Variants in NPAS3 observed in about 807,000 individuals in gnomAD.
The protein encoded by NPAS3 is neuronal PAS domain-containing protein 3.
A neutral mutation model predicts 73.1 loss-of-function variants in NPAS3; 14 were observed. The ratio of observed to expected loss-of-function variants is 0.19; its 90% CI spans 0.13 to 0.30. The LOEUF (loss-of-function observed/expected upper bound fraction) is 0.30, where lower values mean the gene tolerates loss of function less well. Ranked by LOEUF, NPAS3 falls within the 10% of genes least tolerant of loss-of-function variation. The probability of loss-of-function intolerance (pLI) is 1.00; values close to 1 mark genes in which losing one functional copy is unlikely to be tolerated. For missense variants in NPAS3, 1,096 were observed against 1,250.0 expected (o/e 0.88, Z 1.86); for synonymous variants, 620 against 541.5 (o/e 1.14, Z -2.01).
At chr14:33,200,789 G>A (rs1479537896) in intron 2 of NPAS3, among the ~76,000 whole-genome samples, 1 of 152,126 alleles carries the variant, frequency 6.6e-6, no homozygotes, top group African/African-American at 2.4e-5. Context: ...TCCCCTATGT[G>A]CTGGGCAGGT....
chr14:33,570,434 A>G (rs77785402), intron 5 of NPAS3, among the ~76,000 whole-genome samples: 23,472 of 152,160 alleles, frequency 0.15, 2,102 homozygotes, highest in East Asian at 0.33. Context: ...AAAAGTCTAC[A>G]CATCCCTGAG....
At chr14:33,470,122 T>C (rs2050717178) in intron 4 of NPAS3, among the ~76,000 whole-genome samples, 1 of 152,134 alleles carries the variant, frequency 6.6e-6, no homozygotes, top group Non-Finnish European at 1.5e-5. Flanking sequence ...GGTGGCTAAC[T>C]TCCAAGAGTC....
At chr14:33,190,877 G>A (rs1486396870) in intron 2 of NPAS3, among the ~76,000 whole-genome samples, 1 of 152,160 alleles carries the variant, frequency 6.6e-6, no homozygotes, top group Non-Finnish European at 1.5e-5. Context: ...TTACAGCTTG[G>A]ATAATTACTT....
At chr14:33,160,669 T>A (rs567855092) in intron 2 of NPAS3, among the ~76,000 whole-genome samples, 2 of 151,964 alleles carry the variant, frequency 1.3e-5, no homozygotes, top group African/African-American at 4.8e-5. Context: ...AGTCTGTGGT[T>A]CTGTCCATCT....
intron 2 of NPAS3, among the ~76,000 whole-genome samples, chr14:33,148,050 G>A (rs2044310960): frequency 6.6e-6 from 1 of 151,844 alleles, no homozygotes; most frequent in Admixed American, 6.6e-5. Flanking sequence ...AACAAATGAG[G>A]GAAAGTTCAC....
chr14:33,712,350 T>A (rs1251968788), intron 6 of NPAS3, among the ~76,000 whole-genome samples: 1 of 152,128 alleles, frequency 6.6e-6, no homozygotes, highest in Non-Finnish European at 1.5e-5. Context: ...CACACACGCA[T>A]TCAAGTGGCA....
At chr14:33,646,336 ACCTTTTCTT>A (rs1385539654) in intron 5 of NPAS3, among the ~76,000 whole-genome samples, 2 of 152,116 alleles carry the variant, frequency 1.3e-5, no homozygotes, top group Non-Finnish European at 2.9e-5. Flanking sequence ...ACTTAGCTTA[ACCTTTTCTT>A]ACATTTTCTT....
chr14:33,055,983 T>A (rs1215191109), exon 2 of NPAS3: 1 of 810,202 alleles, frequency 1.2e-6, no homozygotes, highest in South Asian at 1.4e-5. Flanking sequence ...ACTGTGAATC[T>A]ACCTACCAGA....
chr14:33,055,801 G>GACGAATCAT, intron 1 of NPAS3, 104 bp from the exon 2 acceptor site: 1 of 593,564 alleles, frequency 1.7e-6, no homozygotes, highest in Non-Finnish European at 3.1e-6. Context: ...GCTCAAAAGC[G>GACGAATCAT]TAAAAAGCAA....
At chr14:33,263,925 T>A (rs1390722322) in intron 3 of NPAS3, among the ~76,000 whole-genome samples, 1 of 152,218 alleles carries the variant, frequency 6.6e-6, no homozygotes, top group Non-Finnish European at 1.5e-5. Flanking sequence ...TTACTGGGTA[T>A]ATACCCAAAG....
At chr14:33,728,283 A>G (rs890968758) in intron 6 of NPAS3, among the ~76,000 whole-genome samples, 1 of 152,204 alleles carries the variant, frequency 6.6e-6, no homozygotes, top group Non-Finnish European at 1.5e-5. Flanking sequence ...ATTGGTTGGC[A>G]GACTATTATT....
At chr14:33,550,275 T>G (rs2055048277) in intron 4 of NPAS3, among the ~76,000 whole-genome samples, 2 of 152,166 alleles carry the variant, frequency 1.3e-5, no homozygotes, top group African/African-American at 4.8e-5. Context: ...TGCCTCAGCC[T>G]CCCTAATAAG....
intron 9 of NPAS3, among the ~76,000 whole-genome samples, chr14:33,782,703 C>A (rs2063014272): frequency 6.6e-6 from 1 of 152,056 alleles, no homozygotes; most frequent in Non-Finnish European, 1.5e-5. Context: ...GCACCTGACC[C>A]AGTCTCAGAA....
intron 2 of NPAS3, among the ~76,000 whole-genome samples, chr14:33,074,711 C>T (rs190225077): frequency 8.5e-5 from 13 of 152,312 alleles, no homozygotes; most frequent in South Asian, 2.1e-4. Context: ...GCCACGCGCT[C>T]GGCCAACACT....
At chr14:33,569,770 C>G (rs545579675) in intron 5 of NPAS3, among the ~76,000 whole-genome samples, 1 of 152,272 alleles carries the variant, frequency 6.6e-6, no homozygotes, top group South Asian at 2.1e-4. Context: ...TTCTTTCTGG[C>G]TAAAGTCCCT....
intron 4 of NPAS3, among the ~76,000 whole-genome samples, chr14:33,396,403 T>C (rs531281409): frequency 6.6e-6 from 1 of 152,312 alleles, no homozygotes; most frequent in East Asian, 1.9e-4. Flanking sequence ...CTTTGTTATC[T>C]TATTTTGACC....
intron 3 of NPAS3, among the ~76,000 whole-genome samples, chr14:33,352,453 A>G (rs1419476384): frequency 6.6e-6 from 1 of 152,226 alleles, no homozygotes; most frequent in East Asian, 1.9e-4. Context: ...ATGTGCTAGA[A>G]AACTGTCGCA....
intron 2 of NPAS3, among the ~76,000 whole-genome samples, chr14:33,128,545 T>C (rs1364525581): frequency 6.6e-6 from 1 of 152,192 alleles, no homozygotes; most frequent in African/African-American, 2.4e-5. Flanking sequence ...TGTGAAATTA[T>C]GACTTTTGTG....
At chr14:33,170,842 T>C (rs1425851189) in intron 2 of NPAS3, among the ~76,000 whole-genome samples, 2 of 152,230 alleles carry the variant, frequency 1.3e-5, no homozygotes, top group African/African-American at 4.8e-5. Context: ...TTTTGAACCT[T>C]TCAAAGTCAT....
Sources: gnomAD v4.1 joint callset for allele counts (sites outside exome capture counted in the v4.1 genomes callset) on GRCh38, gnomAD v4.1.1 for gene constraint, MANE v1.5 for transcripts, NCBI Gene and HGNC (gene_info 2026-07-23, HGNC 2026-07-21) for gene names.